GLRA2: variants seen among roughly 807,000 people sequenced by gnomAD.
GLRA2 encodes the protein glycine receptor subunit alpha-2.
A neutral mutation model predicts 31.6 loss-of-function variants in GLRA2; 11 were observed. That is an observed-to-expected ratio of 0.35 (90% confidence interval 0.22 to 0.58). The LOEUF (loss-of-function observed/expected upper bound fraction) is 0.58, where lower values mean the gene tolerates loss of function less well. GLRA2 is among the 20% of genes least tolerant of loss of function. The pLI is 0.84. For missense variants in GLRA2, 212 were observed against 351.8 expected, an observed-to-expected ratio of 0.60 and a Z score of 3.18; for synonymous variants, 132 against 134.0, an observed-to-expected ratio of 0.99 and a Z score of 0.10.
intron 4 of GLRA2, among the ~76,000 whole-genome samples, chrX:14,590,922 C>A (rs771975434): frequency 8.9e-6 from 1 of 111,806 alleles, no homozygotes; most frequent in East Asian, 2.8e-4. Flanking sequence ...GGGTGGGAAG[C>A]ACTGGCATGC....
chrX:14,691,766 T>C (rs2091365537), intron 8 of GLRA2, among the ~76,000 whole-genome samples: 1 of 111,882 alleles, frequency 8.9e-6, no homozygotes, highest in South Asian at 3.7e-4. Context: ...GCACCTGTTT[T>C]CCATTTCAAA....
intron 8 of GLRA2, among the ~76,000 whole-genome samples, chrX:14,718,594 A>G (rs1291285966): frequency 1.8e-5 from 2 of 111,875 alleles, no homozygotes; most frequent in African/African-American, 6.5e-5. Context: ...TCAAAGACAC[A>G]TGATTATTTG....
At position 14,625,329 on chromosome X, in the gene GLRA2, C is replaced by G. The variant is rs752724761; in HGVS notation, c.930+16124C>G. On this transcript the variant is annotated intron_variant, in intron 7 of 8. Transcript: ENST00000218075. ...TTGCCAGTCTGTGTCTTTTAATTGG[C>G]GCATTTAGCCTATTTACATTTAAGG... Among the ~76,000 whole-genome samples the G allele has an allele frequency of 1.9e-4, 21 of 111,022 alleles. 1 individual carries two copies. Among genetic ancestry groups the G allele is most frequent in the African/African-American group, 6.9e-4 (21 of 30,602 alleles).
intron 4 of GLRA2, among the ~76,000 whole-genome samples, chrX:14,597,337 G>C (rs1368976475): frequency 4.5e-5 from 5 of 112,183 alleles, no homozygotes; most frequent in Middle Eastern, 4.6e-3. Flanking sequence ...ATTTTAAGAA[G>C]TGTTACTTGC....
At chrX:14,523,140 C>A in the GLRA2 span, among the ~76,000 whole-genome samples, 8 of 112,210 alleles carry the variant, frequency 7.1e-5, no homozygotes, top group South Asian at 2.2e-3. Context: ...TTCTTAATAA[C>A]TCGTTGTAGC....
chrX:14,493,254 A>C, the GLRA2 span, among the ~76,000 whole-genome samples: 1 of 110,511 alleles, frequency 9.0e-6, no homozygotes, highest in Non-Finnish European at 1.9e-5. Context: ...AAATTTTATT[A>C]TTATTATACT....
At chrX:14,646,681 G>C (rs1601797016) in intron 7 of GLRA2, among the ~76,000 whole-genome samples, 1 of 112,028 alleles carries the variant, frequency 8.9e-6, no homozygotes, top group Non-Finnish European at 1.9e-5. Context: ...CAGTGGACTT[G>C]AAAGAGGATA....
chrX:14,728,993 T>C (rs2091959787), intron 8 of GLRA2, among the ~76,000 whole-genome samples: 1 of 112,505 alleles, frequency 8.9e-6, no homozygotes, highest in Non-Finnish European at 1.9e-5. Flanking sequence ...AGGGATCTGC[T>C]GTTGAACTTA....
At chrX:14,715,056 T>C (rs1312223914) in intron 8 of GLRA2, among the ~76,000 whole-genome samples, 1 of 112,661 alleles carries the variant, frequency 8.9e-6, no homozygotes, top group African/African-American at 3.2e-5. Flanking sequence ...TTTTGAATTG[T>C]AAACACATAC....
At chrX:14,520,434 G>GA in the GLRA2 span, among the ~76,000 whole-genome samples, 1 of 112,280 alleles carries the variant, frequency 8.9e-6, no homozygotes, top group Non-Finnish European at 1.9e-5. Flanking sequence ...TAATGTTTAT[G>GA]AAAAGAAACG....
intron 7 of GLRA2, among the ~76,000 whole-genome samples, chrX:14,659,452 T>C (rs1319768437): frequency 9.9e-6 from 1 of 101,390 alleles, no homozygotes; most frequent in African/African-American, 3.5e-5. Flanking sequence ...AAGCAATTTG[T>C]GTTGGGTGAA....
chrX:14,653,377 T>G (rs2090908772), intron 7 of GLRA2, among the ~76,000 whole-genome samples: 1 of 112,064 alleles, frequency 8.9e-6, no homozygotes, highest in South Asian at 3.7e-4. Flanking sequence ...GAGGTCAAAA[T>G]ATCCACATTA....
At chrX:14,541,610 G>T (rs1019127391) in intron 2 of GLRA2, among the ~76,000 whole-genome samples, 4 of 111,190 alleles carry the variant, frequency 3.6e-5, no homozygotes, top group African/African-American at 1.3e-4. Flanking sequence ...CTTTCTATTA[G>T]AAAAAGCATT....
intron 4 of GLRA2, among the ~76,000 whole-genome samples, chrX:14,602,396 G>A (rs779467483): frequency 9.2e-6 from 1 of 108,146 alleles, no homozygotes; most frequent in South Asian, 4.0e-4. Flanking sequence ...TGTTTTGTAA[G>A]ATAATGAGTA....
rs1491540326 is a variant in GLRA2 at position 14,730,889 on chromosome X, T to TACACAC, written c.*405_*406insCACACA. Reference sequence around the variant, plus strand: ...CTAATTCTGGTACTGAAAAGTTAGCTATACACACACACACACACACACACA... The same window carrying TACACAC: ...CTAATTCTGGTACTGAAAAGTTAGCTACACACATACACACACACACACACACACACA... On this transcript the variant is annotated 3_prime_UTR_variant, in exon 9 of 9. Transcript: ENST00000218075. The TACACAC allele has an allele frequency of 2.3e-5, 3 of 129,232 alleles. No individual in the cohort carries two copies. Among genetic ancestry groups the TACACAC allele is most frequent in the African/African-American group, 1.4e-4 (3 of 21,449 alleles). 10.7% of individuals were successfully genotyped at this position (129,232 alleles called of 1,213,427 possible).
intron 2 of GLRA2, among the ~76,000 whole-genome samples, chrX:14,573,631 T>C (rs1341780845): frequency 9.2e-6 from 1 of 109,110 alleles, no homozygotes; most frequent in Non-Finnish European, 1.9e-5. Context: ...GGCTAGTCAC[T>C]GGATCTCTGG....
chrX:14,642,445 G>T (rs2090784505), intron 7 of GLRA2, among the ~76,000 whole-genome samples: 1 of 111,989 alleles, frequency 8.9e-6, no homozygotes, highest in Non-Finnish European at 1.9e-5. Flanking sequence ...GGATGCAGAG[G>T]ACAGAGAACA....
At chrX:14,592,974 C>A (rs1011743416) in intron 4 of GLRA2, among the ~76,000 whole-genome samples, 1 of 112,032 alleles carries the variant, frequency 8.9e-6, no homozygotes, top group African/African-American at 3.2e-5. Context: ...ATCACCTGAA[C>A]TTTCTCATGG....
At position 14,529,803 on chromosome X, in the gene GLRA2, G is replaced by T; in HGVS notation, c.-255G>T. 2.5e-6 allele frequency: 1 copy of T among 399,149 alleles called. No homozygotes were observed. Among genetic ancestry groups the T allele is most frequent in the Non-Finnish European group, 4.3e-6 (1 of 230,978 alleles). The allele number at this position is 399,149 out of a possible 1,213,427, so 32.9% of individuals were successfully genotyped here. On this transcript the variant is annotated 5_prime_UTR_variant, in exon 1 of 9. Transcript: ENST00000218075. ...TTATTATTCAGGAAAAGCAGCTGGG[G>T]GATTCATCAGTTCTGAGGCTTTGTC...
Sources: allele counts gnomAD v4.1 joint callset (sites outside exome capture counted in the v4.1 genomes callset), GRCh38; gene constraint gnomAD v4.1.1; transcripts MANE v1.5; gene names NCBI Gene and HGNC (gene_info 2026-07-23, HGNC 2026-07-21).